RIOK3: variants seen among roughly 807,000 people sequenced by gnomAD.
RIOK3 encodes serine/threonine-protein kinase RIO3.
Under a neutral mutation model 63.5 loss-of-function variants are expected in RIOK3, and 40 were observed. The ratio of observed to expected loss-of-function variants is 0.63; its 90% confidence interval spans 0.49 to 0.82. The LOEUF (loss-of-function observed/expected upper bound fraction) is 0.82. RIOK3 is among the 40% of genes least tolerant of loss of function. RIOK3 has a pLI of 0.00. For synonymous variants in RIOK3, 193 were observed against 205.0 expected (o/e 0.94, Z 0.50); for missense variants, 557 against 637.0 (o/e 0.87, Z 1.35).
intron 1 of RIOK3, among the ~76,000 whole-genome samples, chr18:23,460,442 TATG>T (rs1488438887): frequency 6.6e-6 from 1 of 152,214 alleles, no homozygotes; most frequent in African/African-American, 2.4e-5. Context: ...TACTTCCATC[TATG>T]ATGTTTTCTT....
chr18:23,459,733 C>T (rs184738782), intron 1 of RIOK3, among the ~76,000 whole-genome samples: 68 of 152,214 alleles, frequency 4.5e-4, no homozygotes, highest in Middle Eastern at 3.4e-3. Context: ...TGAAGTGGCG[C>T]AATCTTGGCT....
chr18:23,479,128 T>C (rs1567901176), intron 11 of RIOK3, 189 bp from the exon 12 acceptor site: 2 of 472,288 alleles, frequency 4.2e-6, no homozygotes, highest in Non-Finnish European at 7.8e-6. Context: ...CCAGTAATTT[T>C]TACTCTCTTA....
At chr18:23,477,369 G>T (rs2057498809) in intron 11 of RIOK3, 101 bp downstream of exon 11, 1 of 892,728 alleles carries the variant, frequency 1.1e-6, no homozygotes, top group East Asian at 2.5e-5. Flanking sequence ...CTTAGAAATT[G>T]AAGGAAGGGA....
rs762929367 is a variant in RIOK3 at position 23,479,360 on chromosome 18, A to T, written c.1388A>T (p.Glu463Val). Reference protein sequence around the residue: ...GGVKEALSERELFNAVSGLNI... With the variant: ...GGVKEALSERVLFNAVSGLNI... ...GTCAAGGAAGCCCTTAGTGAACGAG[A>T]ACTCTTCAATGCTGTTTCAGGCTTA... is the stretch of plus-strand genomic sequence containing the variant. Residue 463 changes from glutamate to valine, a missense_variant, in exon 12 of 13, where the codon GAA (glutamate) becomes GTA (valine). Glu to Val is a moderately radical substitution (Grantham distance 121). Around this residue, in one of 3 missense-constraint regions of RIOK3, gnomAD observed 309 missense variants for 338.7 expected, o/e 0.91. Transcript: ENST00000339486. The T allele has an allele frequency of 1.9e-6, 3 of 1,613,938 alleles. No individual in the cohort carries two copies. In the Admixed American group the frequency reaches 5.0e-5, roughly 27 times the overall value.
At chr18:23,464,673 G>T in intron 5 of RIOK3, 45 bp downstream of exon 5, 1 of 1,151,004 alleles carries the variant, frequency 8.7e-7, no homozygotes, top group South Asian at 1.5e-5. Flanking sequence ...AGTTTTGTTT[G>T]AATACCTTTC....
intron 1 of RIOK3, among the ~76,000 whole-genome samples, chr18:23,461,693 G>T (rs1359869061): frequency 6.6e-6 from 1 of 152,212 alleles, no homozygotes; most frequent in African/African-American, 2.4e-5. Flanking sequence ...GAAGGCTGAG[G>T]CAGGAGTATG....
chr18:23,476,034 G>A (rs2057488545), intron 9 of RIOK3, among the ~76,000 whole-genome samples: 1 of 138,318 alleles, frequency 7.2e-6, no homozygotes, highest in African/African-American at 2.7e-5. Context: ...TGATCCTCTT[G>A]CCTCAGCATC....
At chr18:23,464,389 G>T in intron 4 of RIOK3, 76 bp downstream of exon 4, 1 of 1,231,934 alleles carries the variant, frequency 8.1e-7, no homozygotes, top group South Asian at 1.4e-5. Context: ...AACTCTTTTA[G>T]TTTTATATTT....
chr18:23,475,455 T>C (rs1300563387), intron 9 of RIOK3, among the ~76,000 whole-genome samples: 7 of 95,682 alleles, frequency 7.3e-5, no homozygotes, highest in Non-Finnish European at 1.1e-4. Flanking sequence ...AGAGTAAGAC[T>C]CTGTCTCAAA....
chr18:23,462,598 CT>C (rs1198295764), intron 1 of RIOK3, among the ~76,000 whole-genome samples: 4 of 152,162 alleles, frequency 2.6e-5, no homozygotes, highest in Non-Finnish European at 4.4e-5. Flanking sequence ...ATAAGAAAAT[CT>C]ACTTGGGAAA....
chr18:23,469,860 T>A (rs754995441), intron 7 of RIOK3, among the ~76,000 whole-genome samples: 20 of 152,110 alleles, frequency 1.3e-4, no homozygotes, highest in Non-Finnish European at 2.4e-4. Context: ...TGTGCTAGAT[T>A]ACTCAGGGAA....
At chr18:23,465,872 C>T (rs1034710822) in intron 5 of RIOK3, among the ~76,000 whole-genome samples, 6 of 152,132 alleles carry the variant, frequency 3.9e-5, no homozygotes, top group Non-Finnish European at 7.3e-5. Context: ...ATGCACATGC[C>T]GAAAGACCTT....
intron 7 of RIOK3, among the ~76,000 whole-genome samples, chr18:23,471,865 T>A (rs977606134): frequency 6.6e-6 from 1 of 152,152 alleles, no homozygotes; most frequent in Non-Finnish European, 1.5e-5. Context: ...CCTGTTAGAC[T>A]TCTAAGTGAT....
intron 12 of RIOK3, among the ~76,000 whole-genome samples, chr18:23,480,540 T>C (rs926359498): frequency 2.2e-5 from 3 of 133,698 alleles, no homozygotes; most frequent in African/African-American, 8.6e-5. Context: ...ACTATTTGTG[T>C]ATACTTGGAT....
rs765191485 is a variant in RIOK3, at chr18:23,464,022, A to G, written c.235A>G (p.Met79Val). 4 of 1,613,308 alleles carry G rather than the reference A, an allele frequency of 2.5e-6. No homozygotes were observed. ...AAACATTGATACTTCCAGTGACCTT[A>G]TGCTGGCTCAGATGCTACAGATGGA... is the stretch of plus-strand genomic sequence containing the variant. ...GENIDTSSDL[M>V]LAQMLQMEYD... Residue 79 changes from methionine (M) to valine (V), a missense_variant, in exon 3 of 13, where the codon ATG (methionine) becomes GTG (valine). By Grantham distance (21) the Met-to-Val change is conservative. Transcript: ENST00000339486.
chr18:23,468,672 A>G (rs992565756), intron 7 of RIOK3, among the ~76,000 whole-genome samples: 1 of 152,124 alleles, frequency 6.6e-6, no homozygotes, highest in African/African-American at 2.4e-5. Context: ...CATAATCTGT[A>G]CTTTGACATT....
At chr18:23,466,055 C>T in intron 5 of RIOK3, 78 bp from the exon 6 acceptor site, 9 of 1,119,720 alleles carry the variant, frequency 8.0e-6, no homozygotes, top group Non-Finnish European at 1.1e-5. Flanking sequence ...AAAGACTAAT[C>T]TCATTTGGTT....
At chr18:23,472,691 C>T (rs533291955) in intron 7 of RIOK3, among the ~76,000 whole-genome samples, 17 of 152,308 alleles carry the variant, frequency 1.1e-4, no homozygotes, top group African/African-American at 3.6e-4. Context: ...GAAACCCTCG[C>T]GATTCCCCAC....
chr18:23,466,303 CT>C, intron 6 of RIOK3, 27 bp downstream of exon 6: 2 of 1,437,338 alleles, frequency 1.4e-6, no homozygotes, highest in African/African-American at 1.5e-5. Context: ...TTTTTTTTTT[CT>C]TTTTTACTAG....
Sources: gnomAD v4.1 joint callset for allele counts (sites outside exome capture counted in the v4.1 genomes callset) on GRCh38, gnomAD v4.1.1 for gene constraint, gnomAD v4.1.1 regional missense constraint, MANE v1.5 for transcripts, NCBI Gene and HGNC (gene_info 2026-07-23, HGNC 2026-07-21) for gene names.